UNC13C: variants seen among roughly 807,000 people sequenced by gnomAD.
UNC13C encodes the protein protein unc-13 homolog C.
A neutral mutation model predicts 245.4 loss-of-function variants in UNC13C; 174 were observed. That is an observed-to-expected ratio of 0.71 (90% CI 0.63 to 0.80). The LOEUF (loss-of-function observed/expected upper bound fraction) is 0.80, where lower values mean the gene tolerates loss of function less well. UNC13C is among the 30% of genes least tolerant of loss of function. The pLI is 0.00. For synonymous variants in UNC13C, 992 were observed against 895.1 expected, an observed-to-expected ratio of 1.11 and a Z score of -1.93; for missense variants, 2,829 against 2,602.9, an observed-to-expected ratio of 1.09 and a Z score of -1.89.
At chr15:54,593,890 A>G (rs1262019029) in intron 30 of UNC13C, among the ~76,000 whole-genome samples, 2 of 152,086 alleles carry the variant, frequency 1.3e-5, no homozygotes, top group African/African-American at 4.8e-5. Context: ...TTTTGGGGGC[A>G]TGTTGACCAG....
chr15:54,056,362 A>G (rs528142408), intron 2 of UNC13C, among the ~76,000 whole-genome samples: 64 of 152,298 alleles, frequency 4.2e-4, no homozygotes, highest in African/African-American at 1.5e-3. Flanking sequence ...GGGTATCAGC[A>G]ATGGAAGACG....
At chr15:54,068,202 A>G (rs1054958914) in intron 2 of UNC13C, among the ~76,000 whole-genome samples, 1 of 152,204 alleles carries the variant, frequency 6.6e-6, no homozygotes, top group Non-Finnish European at 1.5e-5. Context: ...CAACCATTTA[A>G]GAGATTTTGA....
chr15:54,409,323 T>C (rs2040371024), intron 18 of UNC13C, among the ~76,000 whole-genome samples: 1 of 152,118 alleles, frequency 6.6e-6, no homozygotes, highest in Non-Finnish European at 1.5e-5. Context: ...AAGCTGTATA[T>C]ATTTTTCCAG....
intron 19 of UNC13C, among the ~76,000 whole-genome samples, chr15:54,485,490 G>A (rs1893357383): frequency 6.6e-6 from 1 of 152,184 alleles, no homozygotes; most frequent in Non-Finnish European, 1.5e-5. Context: ...AAGCTGCCCT[G>A]TCCCTTGTTC....
At chr15:54,409,245 C>T (rs1346280651) in intron 18 of UNC13C, among the ~76,000 whole-genome samples, 1 of 147,782 alleles carries the variant, frequency 6.8e-6, no homozygotes, top group Non-Finnish European at 1.5e-5. Context: ...TTCATTTCTT[C>T]TATAGATTTT....
At chr15:54,077,277 G>T (rs1898676727) in intron 2 of UNC13C, among the ~76,000 whole-genome samples, 1 of 150,118 alleles carries the variant, frequency 6.7e-6, no homozygotes, top group African/African-American at 2.5e-5. Context: ...GGTGCATTTT[G>T]ATACATTTTC....
At chr15:54,204,491 T>G (rs563257829) in intron 4 of UNC13C, among the ~76,000 whole-genome samples, 1 of 152,086 alleles carries the variant, frequency 6.6e-6, no homozygotes, top group South Asian at 2.1e-4. Context: ...CAAATGGAGA[T>G]ATTTACCATG....
chr15:54,388,053 C>A (rs539702167), intron 17 of UNC13C, among the ~76,000 whole-genome samples: 122 of 152,206 alleles, frequency 8.0e-4, no homozygotes, highest in Non-Finnish European at 7.4e-5. Context: ...ATTTCTAGAG[C>A]CCTTCACCTA....
chr15:54,006,089 C>T (rs1895122725), intron 1 of UNC13C, among the ~76,000 whole-genome samples: 1 of 152,106 alleles, frequency 6.6e-6, no homozygotes, highest in African/African-American at 2.4e-5. Context: ...GCTCAACATT[C>T]AGCATTCCTG....
At chr15:54,377,059 T>C (rs2039622159) in intron 17 of UNC13C, among the ~76,000 whole-genome samples, 1 of 152,088 alleles carries the variant, frequency 6.6e-6, no homozygotes, top group Non-Finnish European at 1.5e-5. Context: ...CAGCTACAAA[T>C]TGAAGAATAT....
intron 19 of UNC13C, among the ~76,000 whole-genome samples, chr15:54,489,452 TTC>T (rs1437332949): frequency 6.6e-6 from 1 of 152,192 alleles, no homozygotes; most frequent in Non-Finnish European, 1.5e-5. Context: ...ACTGATACAG[TTC>T]CAACAGGGCA....
chr15:53,845,497 TC>T, the UNC13C span, among the ~76,000 whole-genome samples: 1 of 152,090 alleles, frequency 6.6e-6, no homozygotes, highest in Non-Finnish European at 1.5e-5. Context: ...CAACACAATG[TC>T]CTATGATATG....
At chr15:54,455,195 CTCTCTCTCTCTATATATATATA>C (rs1183048551) in intron 19 of UNC13C, among the ~76,000 whole-genome samples, 2 of 46,710 alleles carry the variant, frequency 4.3e-5, no homozygotes, top group African/African-American at 1.4e-4. Context: ...CTCTCTCTCT[CTCTCTCTCTCTATATATATATA>C]TATATATATA....
At chr15:54,202,819 G>C (rs1320628090) in intron 4 of UNC13C, among the ~76,000 whole-genome samples, 1 of 151,864 alleles carries the variant, frequency 6.6e-6, no homozygotes, top group African/African-American at 2.4e-5. Flanking sequence ...AAATAGATGG[G>C]ACTTAATTAA....
In UNC13C at chr15:54,538,133, C is replaced by CAAAAAAAAAAAAAAAAAAA. The variant is rs56041311; in HGVS notation, c.5696+5080_5696+5098dup. The stretch of plus-strand genomic sequence containing the variant: ...TAAGGAGCTTAAATACATTAACAAG[C>CAAAAAAAAAAAAAAAAAAA]AAAAAAAAAAAAAAAAAAAAAAAAA... On this transcript the variant is annotated intron_variant, in intron 26 of 32. Coordinates refer to ENST00000260323, the MANE Select transcript of UNC13C (RefSeq NM_001080534.3). Among the ~76,000 whole-genome samples, 12 of 10,250 alleles carry CAAAAAAAAAAAAAAAAAAA rather than the reference C, an allele frequency of 1.2e-3. 2 individuals are homozygous for CAAAAAAAAAAAAAAAAAAA. The highest frequency in any genetic ancestry group is 7.3e-4 in the Non-Finnish European group (3 of 4,086). 6.7% of individuals were successfully genotyped at this position (10,250 alleles called of 152,430 possible).
chr15:54,339,167 C>T (rs1268721155), intron 17 of UNC13C, among the ~76,000 whole-genome samples: 3 of 152,162 alleles, frequency 2.0e-5, no homozygotes, highest in African/African-American at 4.8e-5. Flanking sequence ...CACGCCTGGC[C>T]TATATGTTAA....
At chr15:54,446,807 G>C (rs1021047687) in intron 19 of UNC13C, among the ~76,000 whole-genome samples, 2 of 152,092 alleles carry the variant, frequency 1.3e-5, no homozygotes, top group Non-Finnish European at 2.9e-5. Flanking sequence ...GATTGCCCTG[G>C]CCAGAACTTC....
At chr15:54,314,236 G>A (rs2037951876) in intron 13 of UNC13C, among the ~76,000 whole-genome samples, 1 of 151,636 alleles carries the variant, frequency 6.6e-6, no homozygotes, top group Admixed American at 6.6e-5. Context: ...TTTACAACAT[G>A]GTGACTATAG....
At chr15:54,380,646 A>G (rs2039703999) in intron 17 of UNC13C, among the ~76,000 whole-genome samples, 1 of 152,134 alleles carries the variant, frequency 6.6e-6, no homozygotes, top group Non-Finnish European at 1.5e-5. Context: ...TTTTGATAAT[A>G]GCCATTCTGA....
Sources: allele counts gnomAD v4.1 joint callset (sites outside exome capture counted in the v4.1 genomes callset), GRCh38; gene constraint gnomAD v4.1.1; transcripts MANE v1.5; gene names NCBI Gene and HGNC (gene_info 2026-07-23, HGNC 2026-07-21).